FBXO40: variants seen among roughly 807,000 people sequenced by gnomAD.
FBXO40 encodes F-box protein 40.
A neutral mutation model predicts 49.9 loss-of-function variants in FBXO40; 50 were observed. That is an observed-to-expected ratio of 1.00 (90% confidence interval 0.80 to 1.27). The LOEUF is 1.27. Ranked by LOEUF, FBXO40 falls within the 50% of genes most tolerant of loss-of-function variation. FBXO40 has a pLI of 0.00. For missense variants in FBXO40, 895 were observed against 870.1 expected (o/e 1.03, Z -0.36); for synonymous variants, 340 against 320.2 (o/e 1.06, Z -0.66).
chr3:121,623,953 G>T (rs2049048607), intron 3 of FBXO40, among the ~76,000 whole-genome samples: 1 of 142,702 alleles, frequency 7.0e-6, no homozygotes, highest in Non-Finnish European at 1.5e-5. Flanking sequence ...CTCCCAAAGT[G>T]CTGGGATTAC....
chr3:121,599,719 T>C (rs2048891869), intron 1 of FBXO40, among the ~76,000 whole-genome samples: 2 of 82,546 alleles, frequency 2.4e-5, no homozygotes, highest in South Asian at 3.8e-4. Context: ...TATATATATA[T>C]ATATATTTTT....
intron 3 of FBXO40, among the ~76,000 whole-genome samples, chr3:121,624,684 A>C (rs1345754588): frequency 1.3e-5 from 2 of 152,158 alleles, no homozygotes; most frequent in Admixed American, 1.3e-4. Context: ...CACTTTGAGC[A>C]GGTGCTGTCC....
rs758315832 is a variant in FBXO40, at chr3:121,628,766, C to T, written c.*1856C>T. ...CTTTATTTATGAAATAGGTTTTAGACATGTGGTGATTTTAAGTTGGGAACC... is the reference window on the plus strand; with the variant it reads ...CTTTATTTATGAAATAGGTTTTAGATATGTGGTGATTTTAAGTTGGGAACC... On this transcript the variant is annotated 3_prime_UTR_variant, in exon 4 of 4. Transcript: ENST00000338040. 7.9e-5 allele frequency: 12 copies of T among 152,138 alleles called. No homozygotes were observed. Among genetic ancestry groups the T allele is most frequent in the Non-Finnish European group, 1.8e-4 (12 of 68,030 alleles). The allele number at this position is 152,138 out of a possible 1,614,324, so 9.4% of individuals were successfully genotyped here. A position where few individuals can be genotyped will look rare whatever the true frequency, so the allele number is the denominator to read the frequency against.
At chr3:121,599,656 ACACACACACACACACATG>A (rs1299591370) in intron 1 of FBXO40, among the ~76,000 whole-genome samples, 3 of 54,948 alleles carry the variant, frequency 5.5e-5, no homozygotes, top group African/African-American at 1.8e-4. Flanking sequence ...TGTAGTGCAT[ACACACACACACACACATG>A]CACACACACA....
rs2049068849 is a variant in FBXO40, at chr3:121,627,464, AAC to A, written c.*558_*559del. 1 of 175,022 alleles carries A rather than the reference AAC, an allele frequency of 5.7e-6. No individual in the cohort carries two copies. Among genetic ancestry groups the A allele is most frequent in the African/African-American group, 2.4e-5 (1 of 42,336 alleles). The allele number at this position is 175,022 out of a possible 1,614,324, so 10.8% of individuals were successfully genotyped here. On this transcript the variant is annotated 3_prime_UTR_variant, in exon 4 of 4. Coordinates refer to ENST00000338040, the MANE Select transcript of FBXO40 (RefSeq NM_016298.4). ...ACTGCCTCTAGGCCAGGGTAGTCCT[AAC>A]ACAGCCTGACATAGGAGAGCCCCTG...
At position 121,605,188 on chromosome 3, in the gene FBXO40, C is replaced by T. The variant is rs138288117; in HGVS notation, c.-31+11686C>T. ...CTGACCTCAAGTGATTCATCCACCTCGGCCTCCCAAAGTGCTGGGATTACA... is the reference window on the plus strand; with the variant it reads ...CTGACCTCAAGTGATTCATCCACCTTGGCCTCCCAAAGTGCTGGGATTACA... On this transcript the variant is annotated intron_variant, in intron 1 of 3. Transcript: ENST00000338040. Among the ~76,000 whole-genome samples, 633 of 152,200 alleles carry T rather than the reference C, an allele frequency of 4.2e-3. 4 individuals are homozygous for T. The highest frequency in any genetic ancestry group is 0.014 in the African/African-American group (598 of 41,526).
intron 3 of FBXO40, among the ~76,000 whole-genome samples, chr3:121,624,558 T>C (rs1039714418): frequency 6.6e-6 from 1 of 152,168 alleles, no homozygotes; most frequent in Non-Finnish European, 1.5e-5. Flanking sequence ...ACCCTCCATC[T>C]TCCAGTGGGG....
At position 121,622,831 on chromosome 3, in the gene FBXO40, CACA is replaced by C. The variant is rs770079979; in HGVS notation, c.1407_1409del (p.Asn469del). The C allele has an allele frequency of 6.2e-7, 1 of 1,614,200 alleles. No individual in the cohort carries two copies. The highest frequency in any genetic ancestry group is 8.5e-7 in the Non-Finnish European group (1 of 1,180,050). On this transcript the variant is annotated inframe_deletion, in exon 3 of 4. Coordinates refer to ENST00000338040, the MANE Select transcript of FBXO40 (RefSeq NM_016298.4). ...CCACAGCGAGTGTGTGACCAGGAGA[CACA>C]ACAAAAGCAGCTCTGCCTTCACTTT...
At chr3:121,594,462 A>G (rs2048861380) in intron 1 of FBXO40, among the ~76,000 whole-genome samples, 1 of 152,186 alleles carries the variant, frequency 6.6e-6, no homozygotes, top group Non-Finnish European at 1.5e-5. Context: ...CGGCCTCCCA[A>G]AGTGCTGAGA....
chr3:121,614,174 G>C (rs1193893025), intron 1 of FBXO40, among the ~76,000 whole-genome samples: 3 of 151,518 alleles, frequency 2.0e-5, no homozygotes, highest in Non-Finnish European at 4.4e-5. Flanking sequence ...GGCTGAGGCA[G>C]GAGAATCGCT....
rs2049043539 is a variant in FBXO40 at position 121,623,103 on chromosome 3, GAACAA to G, written c.1675_1679del (p.Asn559ProfsTer95). 6.2e-7 allele frequency: 1 copy of G among 1,614,102 alleles called. No homozygotes were observed. Among genetic ancestry groups the G allele is most frequent in the Non-Finnish European group, 8.5e-7 (1 of 1,180,054 alleles). ...CTCCAGAGCTGAGCGAGGGAAGGAA[GAACAA>G]CCATCTTTTGGGTCATGGAGGAAAA... On this transcript the variant is annotated frameshift_variant, in exon 3 of 4. Coordinates refer to ENST00000338040, the MANE Select transcript of FBXO40 (RefSeq NM_016298.4). LOFTEE classifies it high-confidence loss of function.
rs201806253 is a variant in FBXO40 at position 121,620,542 on chromosome 3, G to A, written c.-30-4G>A. On this transcript the variant is annotated splice_polypyrimidine_tract_variant and splice_region_variant and intron_variant, in intron 1 of 3. Transcript: ENST00000338040. Reference sequence around the variant, plus strand: ...TAATTATTTATATTCATATTTTCCCGTAGAGCTAAGAAGCAAGAAGAAATT... The same window carrying A: ...TAATTATTTATATTCATATTTTCCCATAGAGCTAAGAAGCAAGAAGAAATT... The A allele has an allele frequency of 2.6e-4, 422 of 1,613,720 alleles. 2 individuals carry two copies. The highest frequency in any genetic ancestry group is 1.6e-4 in the Middle Eastern group (1 of 6,062).
chr3:121,611,098 A>G (rs531533082), intron 1 of FBXO40, among the ~76,000 whole-genome samples: 6 of 152,290 alleles, frequency 3.9e-5, no homozygotes, highest in Non-Finnish European at 7.4e-5. Context: ...AGGTTAAATC[A>G]TATGTTGAAG....
intron 1 of FBXO40, among the ~76,000 whole-genome samples, chr3:121,616,519 G>A (rs563693208): frequency 4.6e-5 from 7 of 152,300 alleles, no homozygotes; most frequent in Non-Finnish European, 1.0e-4. Context: ...TCATTTTATT[G>A]CATTTTGATT....
intron 1 of FBXO40, among the ~76,000 whole-genome samples, chr3:121,595,464 A>T (rs922730096): frequency 1.3e-5 from 2 of 152,334 alleles, no homozygotes; most frequent in African/African-American, 4.8e-5. Context: ...ATAGAATAGT[A>T]CTGATACAAA....
In FBXO40 at chr3:121,622,293, C is replaced by T. The variant is rs749209699; in HGVS notation, c.864C>T (p.Ala288=). Residue 288 remains alanine, a synonymous_variant, in exon 3 of 4, where the codon GCC becomes GCT. Transcript: ENST00000338040. ...CAGCCATGGAAACCACAGGGCTTGC[C>T]CCTTGGCAGGATGGTGTTCTGGAAA... ...VRTAMETTGL[A]PWQDGVLERL... The T allele has an allele frequency of 6.2e-7, 1 of 1,614,178 alleles. No homozygotes were observed. The highest frequency in any genetic ancestry group is 2.2e-5 in the East Asian group (1 of 44,878).
At chr3:121,607,588 C>T (rs1391212167) in intron 1 of FBXO40, among the ~76,000 whole-genome samples, 1 of 152,032 alleles carries the variant, frequency 6.6e-6, no homozygotes. Context: ...GGATTACAGG[C>T]GTGAGCCACC....
rs147294205 is a variant in FBXO40, at chr3:121,596,536, G to T, written c.-31+3034G>T. The stretch of plus-strand genomic sequence containing the variant: ...TCAGAATCTGCATTTTAAAAAGTTT[G>T]CCCGGGTGATTCCTTTGCATGTTGA... On this transcript the variant is annotated intron_variant, in intron 1 of 3. Coordinates refer to ENST00000338040, the MANE Select transcript of FBXO40 (RefSeq NM_016298.4). Among the ~76,000 whole-genome samples the T allele has an allele frequency of 7.3e-3, 1,114 of 152,276 alleles. 12 individuals carry two copies. Among genetic ancestry groups the T allele is most frequent in the African/African-American group, 0.025 (1,046 of 41,568 alleles).
intron 1 of FBXO40, among the ~76,000 whole-genome samples, chr3:121,614,407 A>G (rs539705876): frequency 6.6e-6 from 1 of 151,734 alleles, no homozygotes; most frequent in African/African-American, 2.4e-5. Flanking sequence ...GCACCACTGC[A>G]CCCCAGCCTG....
Sources: gnomAD v4.1 joint callset for allele counts (sites outside exome capture counted in the v4.1 genomes callset) on GRCh38, gnomAD v4.1.1 for gene constraint, MANE v1.5 for transcripts, NCBI Gene and HGNC (gene_info 2026-07-23, HGNC 2026-07-21) for gene names.